The following NF1 variants were observed in gnomAD, a reference collection of about 807,000 sequenced individuals.
NF1 encodes the protein neurofibromin.
A neutral mutation model predicts 325.7 loss-of-function variants in NF1; 122 were observed. The observed-to-expected ratio is 0.37, with a 90% CI of 0.32 to 0.44. The LOEUF (loss-of-function observed/expected upper bound fraction) is 0.44. Among genes scored for constraint, NF1 ranks in the 20% least tolerant of loss-of-function variants. The probability of loss-of-function intolerance (pLI) is 1.00; values close to 1 mark genes in which losing one functional copy is unlikely to be tolerated. For missense variants in NF1, 2,140 were observed against 3,415.4 expected, an observed-to-expected ratio of 0.63 and a Z score of 9.31; for synonymous variants, 1,091 against 1,186.0, an observed-to-expected ratio of 0.92 and a Z score of 1.65.
rs9890773 is a variant in NF1, at chr17:31,348,611, T to C, written c.7190-509T>C. ...TTCGTGGTCAATGGCTTTAAAAAAATCTGTTTCTTGTTTTCTTCAACAAAC... is the reference window on the plus strand; with the variant it reads ...TTCGTGGTCAATGGCTTTAAAAAAACCTGTTTCTTGTTTTCTTCAACAAAC... On this transcript the variant is annotated intron_variant, in intron 48 of 57. Coordinates refer to ENST00000358273, the MANE Select transcript of NF1 (RefSeq NM_001042492.3). Among the ~76,000 whole-genome samples, 1,319 of 150,630 alleles carry C rather than the reference T, an allele frequency of 8.8e-3. 20 individuals carry two copies. Among genetic ancestry groups the C allele is most frequent in the African/African-American group, 0.03 (1,241 of 41,214 alleles).
rs1916888826 is a variant in NF1 at position 31,150,866 on chromosome 17, T to TG, written c.61-5117_61-5116insG. On this transcript the variant is annotated intron_variant, in intron 1 of 57. Transcript: ENST00000358273. ...GACCAACATGGTGAAACCCCGTCTC[T>TG]ACTAAAAATACAAAAAAATTAGCCA... Among the ~76,000 whole-genome samples the TG allele has an allele frequency of 3.9e-5, 6 of 152,034 alleles. No homozygotes were observed. The South Asian group carries it at 1.2e-3, about 31-fold the overall frequency.
intron 40 of NF1, 149 bp downstream of exon 40, chr17:31,335,180 C>T (rs1780127926): frequency 1.5e-6 from 1 of 651,554 alleles, no homozygotes; most frequent in Admixed American, 2.9e-5. Flanking sequence ...GACACTCACC[C>T]AGCTCTTCAT....
chr17:31,305,577 A>C (rs2068697080), intron 36 of NF1: 2 of 1,613,390 alleles, frequency 1.2e-6, no homozygotes, highest in East Asian at 4.5e-5. Flanking sequence ...GGTGTCCACA[A>C]AACAAAATTA....
intron 22 of NF1, 50 bp from the exon 23 acceptor site, chr17:31,230,210 C>T (rs2151431351): frequency 6.3e-7 from 1 of 1,596,682 alleles, no homozygotes; most frequent in Non-Finnish European, 8.6e-7. Context: ...AGAATGCCTT[C>T]TCTTTTGTCT....
At chr17:31,248,525 A>C (rs1001343945) in intron 29 of NF1, among the ~76,000 whole-genome samples, 2 of 151,992 alleles carry the variant, frequency 1.3e-5, no homozygotes, top group Non-Finnish European at 2.9e-5. Context: ...GTTATCTCAA[A>C]GTTGTCTTTT....
intron 36 of NF1, chr17:31,321,919 C>G (rs1350414034): frequency 1.3e-5 from 2 of 152,120 alleles, no homozygotes; most frequent in Non-Finnish European, 2.9e-5. Context: ...TTCAAATCTT[C>G]TCTAAAAGAC....
intron 35 of NF1, among the ~76,000 whole-genome samples, chr17:31,264,166 A>AG (rs1305477756): frequency 2.0e-5 from 3 of 152,194 alleles, no homozygotes; most frequent in African/African-American, 7.2e-5. Flanking sequence ...TGGGAGGCCG[A>AG]GGTGGGTAGA....
At chr17:31,345,502 CCCT>C in intron 48 of NF1, 8 of 1,505,286 alleles carry the variant, frequency 5.3e-6, no homozygotes, top group Non-Finnish European at 5.3e-6. Flanking sequence ...TTGACCGCCC[CCCT>C]CCTCGCGAAG....
intron 57 of NF1, among the ~76,000 whole-genome samples, chr17:31,370,624 CA>C (rs2070617476): frequency 6.6e-6 from 1 of 152,160 alleles, no homozygotes; most frequent in African/African-American, 2.4e-5. Context: ...TACATTACTA[CA>C]ATTTATGTAA....
At position 31,326,593 on chromosome 17, in the gene NF1, G is replaced by A. The variant is rs577868705; in HGVS notation, c.5268+341G>A. Among the ~76,000 whole-genome samples the A allele has an allele frequency of 2.0e-5, 3 of 152,222 alleles. No individual in the cohort carries two copies. The East Asian group carries it at 5.8e-4, about 30-fold the overall frequency. On this transcript the variant is annotated intron_variant, in intron 37 of 57. Transcript: ENST00000358273. The stretch of plus-strand genomic sequence containing the variant: ...ACCCGGGAGGTGGAGGTTGCAGTGA[G>A]CCGAGATTGCGCCACTGCACTCCAG...
At chr17:31,280,764 C>T (rs1343489372) in intron 36 of NF1, among the ~76,000 whole-genome samples, 1 of 151,896 alleles carries the variant, frequency 6.6e-6, no homozygotes, top group Non-Finnish European at 1.5e-5. Context: ...ATTTCACTTC[C>T]AGGTAAAATC....
intron 36 of NF1, chr17:31,314,154 G>A: frequency 2.5e-6 from 1 of 395,314 alleles, no homozygotes; most frequent in Non-Finnish European, 4.5e-6. Flanking sequence ...TTCCGGAAGT[G>A]CAATAAACCA....
chr17:31,141,942 G>GT (rs1466887012), intron 1 of NF1, among the ~76,000 whole-genome samples: 1 of 152,034 alleles, frequency 6.6e-6, no homozygotes, highest in Non-Finnish European at 1.5e-5. Context: ...TATTTTCTTT[G>GT]TTTTTTCTCT....
chr17:31,122,879 C>T (rs2143399335), intron 1 of NF1, among the ~76,000 whole-genome samples: 1 of 152,224 alleles, frequency 6.6e-6, no homozygotes, highest in South Asian at 2.1e-4. Context: ...TTTCTGTTGG[C>T]TCTACCCTCT....
At chr17:31,226,359 A>ACACACACACACAC in intron 17 of NF1, 76 bp from the exon 18 acceptor site, 1 of 1,534,704 alleles carries the variant, frequency 6.5e-7, no homozygotes, top group Non-Finnish European at 8.9e-7. Flanking sequence ...ACACACACAC[A>ACACACACACACAC]GTTTATTGCA....
Position 31,265,388 on chromosome 17 carries a change from A to G in NF1, c.4835+49A>G, listed in dbSNP as rs747469780. ...CTCTTAACAGAATTTTTTAAATTAT[A>G]GCAAATATAGAGAGATGGCAAGTTT... On this transcript the variant is annotated intron_variant, in intron 36 of 57. Transcript: ENST00000358273. 4 of 1,361,908 alleles carry G rather than the reference A, an allele frequency of 2.9e-6. No individual in the cohort carries two copies. The African/African-American group carries it at 5.7e-5, about 20-fold the overall frequency. The allele number at this position is 1,361,908 out of a possible 1,614,324, so 84.4% of individuals were successfully genotyped here.
chr17:31,115,681 A>G (rs569183908), intron 1 of NF1, among the ~76,000 whole-genome samples: 1 of 152,324 alleles, frequency 6.6e-6, no homozygotes, highest in African/African-American at 2.4e-5. Context: ...TCCATAACCC[A>G]TTCCTGCATA....
chr17:31,329,522 A>C (rs2069428871), intron 38 of NF1, among the ~76,000 whole-genome samples: 1 of 152,204 alleles, frequency 6.6e-6, no homozygotes, highest in Non-Finnish European at 1.5e-5. Context: ...TGAACAAACT[A>C]TTTCCTTTAC....
chr17:31,356,336 G>T, intron 51 of NF1, 124 bp from the exon 52 acceptor site: 3 of 943,644 alleles, frequency 3.2e-6, no homozygotes, highest in Non-Finnish European at 3.4e-6. Context: ...GGATGTATTA[G>T]AGCTTTCTTT....
Sources: allele counts gnomAD v4.1 joint callset (sites outside exome capture counted in the v4.1 genomes callset), GRCh38; gene constraint gnomAD v4.1.1; transcripts MANE v1.5; gene names NCBI Gene and HGNC (gene_info 2026-07-23, HGNC 2026-07-21).